Variants in ANTXR1 observed in about 807,000 individuals in gnomAD.
ANTXR1 encodes the protein ANTXR cell adhesion molecule 1, also known as anthrax toxin receptor 1.
ANTXR1 carries 19 observed loss-of-function variants against 78.1 expected under a neutral mutation model. The observed-to-expected ratio is 0.24, with a 90% CI of 0.17 to 0.36. ANTXR1 has a LOEUF of 0.36. Among genes scored for constraint, ANTXR1 ranks in the 10% least tolerant of loss-of-function variants. ANTXR1 has a pLI of 1.00. For synonymous variants in ANTXR1, 273 were observed against 260.5 expected, an observed-to-expected ratio of 1.05 and a Z score of -0.46; for missense variants, 518 against 718.6, an observed-to-expected ratio of 0.72 and a Z score of 3.19.
At chr2:69,144,391 A>C (rs909321333) in intron 12 of ANTXR1, among the ~76,000 whole-genome samples, 11 of 152,304 alleles carry the variant, frequency 7.2e-5, no homozygotes, top group Admixed American at 5.2e-4. Flanking sequence ...TTGCTACTGA[A>C]GTCACCAGGT....
chr2:69,029,392 T>C (rs1286371550), intron 1 of ANTXR1, among the ~76,000 whole-genome samples: 1 of 150,562 alleles, frequency 6.6e-6, no homozygotes, highest in Non-Finnish European at 1.5e-5. Flanking sequence ...TAAAAAATAA[T>C]AATAAAGGAA....
Position 69,056,468 on chromosome 2 carries a change from A to G in ANTXR1, c.296+11655A>G, listed in dbSNP as rs79976929. On this transcript the variant is annotated intron_variant, in intron 3 of 17. Transcript: ENST00000303714. The stretch of plus-strand genomic sequence containing the variant: ...TATTTGAGGTATAACAAAAGTATAG[A>G]AAAAAAAAAGGTTAATGAACACTCA... Among the ~76,000 whole-genome samples the G allele has an allele frequency of 4.6e-3, 679 of 148,522 alleles. 24 individuals carry two copies. In the East Asian group the frequency reaches 0.079, roughly 17 times the overall value.
Position 69,209,478 on chromosome 2 carries a change from C to T in ANTXR1, c.1434+16063C>T, listed in dbSNP as rs377116701. Among the ~76,000 whole-genome samples, 27 of 152,342 alleles carry T rather than the reference C, an allele frequency of 1.8e-4. 1 individual carries two copies. The South Asian group carries it at 5.4e-3, about 30-fold the overall frequency. On this transcript the variant is annotated intron_variant, in intron 17 of 17. Coordinates refer to ENST00000303714, the MANE Select transcript of ANTXR1 (RefSeq NM_032208.3). ...ACACATGTTTATTTGTTGTGCTAAA[C>T]ACTAGTAAACAAGGATATGGTCCTT...
chr2:69,109,533 T>C (rs1416779916), intron 10 of ANTXR1, among the ~76,000 whole-genome samples: 3 of 152,206 alleles, frequency 2.0e-5, no homozygotes, highest in East Asian at 3.8e-4. Flanking sequence ...ACAAAGCCCA[T>C]AAACAGAACC....
At chr2:69,120,404 G>T (rs970352351) in intron 10 of ANTXR1, among the ~76,000 whole-genome samples, 1 of 152,142 alleles carries the variant, frequency 6.6e-6, no homozygotes, top group Non-Finnish European at 1.5e-5. Flanking sequence ...GGTGGCTCAC[G>T]CCTGTAATCC....
intron 13 of ANTXR1, among the ~76,000 whole-genome samples, chr2:69,160,850 A>G (rs1383160858): frequency 6.6e-6 from 1 of 152,202 alleles, no homozygotes; most frequent in East Asian, 1.9e-4. Context: ...ACATACTGAC[A>G]TCTGGAAGGA....
intron 12 of ANTXR1, among the ~76,000 whole-genome samples, chr2:69,144,871 G>T (rs1673177942): frequency 6.6e-6 from 1 of 152,288 alleles, no homozygotes; most frequent in East Asian, 1.9e-4. Context: ...TCTTCCTTCA[G>T]AAATTGACCA....
intron 13 of ANTXR1, among the ~76,000 whole-genome samples, chr2:69,166,288 C>T (rs762933086): frequency 3.5e-4 from 53 of 152,134 alleles, no homozygotes; most frequent in Middle Eastern, 3.2e-3. Flanking sequence ...TGAACAGAGA[C>T]GGATAAAGTC....
At chr2:69,113,871 G>A (rs1051845809) in intron 10 of ANTXR1, among the ~76,000 whole-genome samples, 2 of 152,212 alleles carry the variant, frequency 1.3e-5, no homozygotes, top group Non-Finnish European at 2.9e-5. Context: ...AAGTGCTGCA[G>A]TTATTCTGAC....
chr2:69,082,368 G>A (rs1249338021), intron 8 of ANTXR1, among the ~76,000 whole-genome samples: 1 of 152,026 alleles, frequency 6.6e-6, no homozygotes, highest in Non-Finnish European at 1.5e-5. Flanking sequence ...AGAATATGGT[G>A]ATAAAATTAC....
chr2:69,119,144 C>T (rs6761108), intron 10 of ANTXR1, among the ~76,000 whole-genome samples: 22,082 of 152,176 alleles, frequency 0.15, 1,719 homozygotes, highest in African/African-American at 0.18. Context: ...TCCTCTCACT[C>T]CTTTCCAGTT....
At chr2:69,093,209 C>A (rs12471096) in intron 9 of ANTXR1, among the ~76,000 whole-genome samples, 9,496 of 152,274 alleles carry the variant, frequency 0.062, 391 homozygotes, top group East Asian at 0.16. Flanking sequence ...TGTCTTGATT[C>A]ATGTATTCGT....
chr2:69,113,549 T>C (rs1265047762), intron 10 of ANTXR1, among the ~76,000 whole-genome samples: 2 of 152,180 alleles, frequency 1.3e-5, no homozygotes, highest in African/African-American at 2.4e-5. Context: ...CACAGCACTT[T>C]AGTGGCCCAA....
intron 12 of ANTXR1, among the ~76,000 whole-genome samples, chr2:69,132,675 G>C (rs983826351): frequency 6.6e-6 from 1 of 152,220 alleles, no homozygotes; most frequent in Non-Finnish European, 1.5e-5. Context: ...CATCAATCAA[G>C]TGGGTAGCTG....
At chr2:69,037,261 C>T (rs1430584227) in intron 1 of ANTXR1, among the ~76,000 whole-genome samples, 2 of 152,092 alleles carry the variant, frequency 1.3e-5, no homozygotes, top group Non-Finnish European at 1.5e-5. Flanking sequence ...GAGGCTTTTC[C>T]TCTTCATGCT....
chr2:69,040,652 G>C (rs902626916), intron 2 of ANTXR1, among the ~76,000 whole-genome samples: 4 of 152,162 alleles, frequency 2.6e-5, no homozygotes, highest in African/African-American at 9.7e-5. Flanking sequence ...CACTTTCCCA[G>C]GCAAGGCAAT....
At chr2:69,039,015 C>T (rs930776296) in intron 1 of ANTXR1, among the ~76,000 whole-genome samples, 10 of 152,072 alleles carry the variant, frequency 6.6e-5, no homozygotes, top group East Asian at 1.9e-4. Flanking sequence ...AAATTGTAAA[C>T]GAGTGCATAA....
chr2:69,112,322 G>A (rs933841926), intron 10 of ANTXR1, among the ~76,000 whole-genome samples: 4 of 152,124 alleles, frequency 2.6e-5, no homozygotes, highest in Non-Finnish European at 5.9e-5. Flanking sequence ...GCCCAAGTTC[G>A]CGCAGTTGGC....
At chr2:69,140,143 G>T (rs1308527550) in intron 12 of ANTXR1, among the ~76,000 whole-genome samples, 2 of 152,182 alleles carry the variant, frequency 1.3e-5, no homozygotes, top group African/African-American at 2.4e-5. Context: ...CTGGGTCAGG[G>T]TGACAAGAGT....
Sources: gnomAD v4.1 joint callset for allele counts (sites outside exome capture counted in the v4.1 genomes callset) on GRCh38, gnomAD v4.1.1 for gene constraint, MANE v1.5 for transcripts, NCBI Gene and HGNC (gene_info 2026-07-23, HGNC 2026-07-21) for gene names.